CPE: variants seen among roughly 807,000 people sequenced by gnomAD.
The protein encoded by CPE is carbocypeptidase E.
Under a neutral mutation model 53.5 loss-of-function variants are expected in CPE, and 17 were observed. The ratio of observed to expected loss-of-function variants is 0.32; its 90% CI spans 0.22 to 0.48. CPE has a LOEUF of 0.48. Among genes scored for constraint, CPE ranks in the 20% least tolerant of loss-of-function variants. The pLI, the probability that CPE is intolerant of heterozygous loss-of-function variation, is 0.99. For missense variants in CPE, 524 were observed against 614.7 expected (o/e 0.85, Z 1.56); for synonymous variants, 226 against 228.8 (o/e 0.99, Z 0.11).
chr4:165,423,010 G>A (rs549807156), intron 1 of CPE, among the ~76,000 whole-genome samples: 99 of 149,694 alleles, frequency 6.6e-4, no homozygotes, highest in African/African-American at 2.4e-3. Context: ...TATACACTGG[G>A]TTGGTCCAGA....
intron 1 of CPE, among the ~76,000 whole-genome samples, chr4:165,419,854 C>G (rs1731178678): frequency 6.6e-6 from 1 of 152,192 alleles, no homozygotes; most frequent in Non-Finnish European, 1.5e-5. Context: ...TCAACCCAGC[C>G]TTTATTGTAT....
At chr4:165,496,961 C>T (rs549954565) in intron 8 of CPE, among the ~76,000 whole-genome samples, 5 of 152,230 alleles carry the variant, frequency 3.3e-5, no homozygotes, top group East Asian at 1.9e-4. Flanking sequence ...CTTGCTCTGT[C>T]GCCCAGGCTG....
At chr4:165,439,909 G>A (rs1166513785) in intron 1 of CPE, among the ~76,000 whole-genome samples, 5 of 152,138 alleles carry the variant, frequency 3.3e-5, no homozygotes, top group African/African-American at 1.2e-4. Flanking sequence ...ATCAGCTCGT[G>A]AGCCCATTAA....
At chr4:165,384,157 C>T (rs969231096) in intron 1 of CPE, among the ~76,000 whole-genome samples, 2 of 152,190 alleles carry the variant, frequency 1.3e-5, no homozygotes, top group Non-Finnish European at 2.9e-5. Flanking sequence ...ACGGGTGACA[C>T]ATTAACCCAG....
At chr4:165,398,306 A>G (rs957968319) in intron 1 of CPE, among the ~76,000 whole-genome samples, 11 of 152,258 alleles carry the variant, frequency 7.2e-5, no homozygotes, top group Admixed American at 4.6e-4. Flanking sequence ...GTTTAGGACT[A>G]TTAGCCTACA....
At chr4:165,425,930 G>A (rs1181430016) in intron 1 of CPE, among the ~76,000 whole-genome samples, 1 of 152,144 alleles carries the variant, frequency 6.6e-6, no homozygotes, top group Non-Finnish European at 1.5e-5. Flanking sequence ...TATCAATTAT[G>A]CCATGGTTAT....
intron 1 of CPE, among the ~76,000 whole-genome samples, chr4:165,423,767 A>G (rs912801239): frequency 1.3e-5 from 2 of 148,734 alleles, no homozygotes; most frequent in African/African-American, 2.5e-5. Flanking sequence ...AGCATTAGGT[A>G]TATCTCCCAA....
At chr4:165,416,685 G>A (rs1274927522) in intron 1 of CPE, among the ~76,000 whole-genome samples, 1 of 151,608 alleles carries the variant, frequency 6.6e-6, no homozygotes, top group Non-Finnish European at 1.5e-5. Flanking sequence ...TAGGGGTTCC[G>A]CCTTCTTGAT....
chr4:165,441,179 G>A (rs1201498165), intron 1 of CPE, among the ~76,000 whole-genome samples: 1 of 152,094 alleles, frequency 6.6e-6, no homozygotes, highest in Non-Finnish European at 1.5e-5. Flanking sequence ...ATTAATCGTC[G>A]AGACCCCGTT....
intron 1 of CPE, among the ~76,000 whole-genome samples, chr4:165,432,518 A>G (rs1165611342): frequency 6.6e-6 from 1 of 151,746 alleles, no homozygotes; most frequent in Non-Finnish European, 1.5e-5. Flanking sequence ...CTGGTTTCGA[A>G]CTCCTGGGCT....
intron 1 of CPE, among the ~76,000 whole-genome samples, chr4:165,414,199 T>C (rs533590656): frequency 7.9e-5 from 12 of 152,342 alleles, no homozygotes; most frequent in African/African-American, 2.4e-4. Flanking sequence ...ATTTGAGGAA[T>C]TACTATTGAA....
intron 3 of CPE, among the ~76,000 whole-genome samples, chr4:165,481,017 T>TATATA (rs1553978734): frequency 4.7e-5 from 2 of 42,190 alleles, no homozygotes; most frequent in Non-Finnish European, 6.4e-5. Flanking sequence ...TATATATATA[T>TATATA]TTTTTTTTTT....
intron 3 of CPE, among the ~76,000 whole-genome samples, chr4:165,480,781 C>A (rs953152095): frequency 6.6e-6 from 1 of 151,836 alleles, no homozygotes; most frequent in African/African-American, 2.4e-5. Flanking sequence ...TATTTAATAA[C>A]ATGAAAAGGT....
At chr4:165,419,754 A>C (rs933256315) in intron 1 of CPE, among the ~76,000 whole-genome samples, 1 of 152,188 alleles carries the variant, frequency 6.6e-6, no homozygotes, top group Non-Finnish European at 1.5e-5. Context: ...ACAAACATGC[A>C]TGTGAAGAAA....
At position 165,379,942 on chromosome 4, in the gene CPE, G is replaced by C. The variant is rs2126648789; in HGVS notation, c.307+414G>C. ...ATGATTGCGAGTCCCCCGCAAGGGG[G>C]GTTGGTCTTCCTTGCTGACAAGAGT... On this transcript the variant is annotated intron_variant, in intron 1 of 8. Transcript: ENST00000402744. The surrounding 1 kb of genome is among the most constrained non-coding windows in gnomAD (Gnocchi z 6.0). Among the ~76,000 whole-genome samples, 1 of 152,368 alleles carries C rather than the reference G, an allele frequency of 6.6e-6. No individual in the cohort carries two copies.
intron 3 of CPE, among the ~76,000 whole-genome samples, chr4:165,473,760 AT>A (rs1732248012): frequency 1.2e-5 from 1 of 81,750 alleles, no homozygotes; most frequent in African/African-American, 5.0e-5. Context: ...ATGTGGCAGA[AT>A]TTGGAGGAGA....
intron 1 of CPE, among the ~76,000 whole-genome samples, chr4:165,402,805 A>C (rs1730890948): frequency 6.6e-6 from 1 of 152,218 alleles, no homozygotes; most frequent in Non-Finnish European, 1.5e-5. Flanking sequence ...ATTAAAATAT[A>C]CACTTGCAAA....
At chr4:165,419,194 A>G (rs1731169081) in intron 1 of CPE, among the ~76,000 whole-genome samples, 1 of 152,148 alleles carries the variant, frequency 6.6e-6, no homozygotes, top group African/African-American at 2.4e-5. Flanking sequence ...TAGAAGAAAT[A>G]CTAACTGAAT....
intron 1 of CPE, among the ~76,000 whole-genome samples, chr4:165,439,873 G>A (rs1731578086): frequency 6.6e-6 from 1 of 152,150 alleles, no homozygotes; most frequent in Admixed American, 6.6e-5. Context: ...CCGATAGCAT[G>A]ATGAGAGGGC....
Sources: gnomAD v4.1 joint callset for allele counts (sites outside exome capture counted in the v4.1 genomes callset) on GRCh38, gnomAD v4.1.1 for gene constraint, Gnocchi (gnomAD v3.1) non-coding constraint, MANE v1.5 for transcripts, NCBI Gene and HGNC (gene_info 2026-07-23, HGNC 2026-07-21) for gene names.